RBM7: variants seen among roughly 807,000 people sequenced by gnomAD.
RBM7 encodes the protein RNA-binding protein 7.
Under a neutral mutation model 31.0 loss-of-function variants are expected in RBM7, and 13 were observed. The ratio of observed to expected loss-of-function variants is 0.42; its 90% confidence interval spans 0.27 to 0.67. The LOEUF is 0.67. RBM7 is among the 30% of genes least tolerant of loss of function. RBM7 has a pLI of 0.24. For missense variants in RBM7, 245 were observed against 326.2 expected, an observed-to-expected ratio of 0.75 and a Z score of 1.92; for synonymous variants, 106 against 111.2, an observed-to-expected ratio of 0.95 and a Z score of 0.30.
Position 114,400,673 on chromosome 11 carries a change from T to TGGGGGC in RBM7, c.5_10dup (p.Gly2_Ala3dup). 6.2e-7 allele frequency: 1 copy of TGGGGGC among 1,614,048 alleles called. No homozygotes were observed. Among genetic ancestry groups the TGGGGGC allele is most frequent in the Non-Finnish European group, 8.5e-7 (1 of 1,179,960 alleles). On this transcript the variant is annotated inframe_insertion, in exon 1 of 5. Transcript: ENST00000375490. The stretch of plus-strand genomic sequence containing the variant: ...GGTTAGGGAGGGGGCGACGCTGAGA[T>TGGGGGC]GGGGGCGGCGGCGGCGGAAGCGGAT...
At chr11:114,405,555 A>G (rs1225519069) in intron 3 of RBM7, 151 bp from the exon 4 acceptor site, 2 of 449,348 alleles carry the variant, frequency 4.5e-6, no homozygotes, top group Non-Finnish European at 7.7e-6. Context: ...ATGAGAAAAT[A>G]TCCTGTTGTC....
At chr11:114,403,123 C>G (rs1185271536) in intron 3 of RBM7, among the ~76,000 whole-genome samples, 2 of 152,042 alleles carry the variant, frequency 1.3e-5, no homozygotes, top group African/African-American at 2.4e-5. Flanking sequence ...TATATAGTCC[C>G]CTTAGAATAG....
At chr11:114,405,011 C>A (rs768620859) in intron 3 of RBM7, among the ~76,000 whole-genome samples, 2 of 151,716 alleles carry the variant, frequency 1.3e-5, no homozygotes, top group Non-Finnish European at 2.9e-5. Flanking sequence ...AATTCCTTAC[C>A]TCCCAAAACC....
chr11:114,405,610 T>A, intron 3 of RBM7, 96 bp from the exon 4 acceptor site: 5 of 738,482 alleles, frequency 6.8e-6, no homozygotes, highest in Non-Finnish European at 1.1e-5. Flanking sequence ...CTTTCCTGTC[T>A]TGTTCATTCC....
rs774876995 is a variant in RBM7 at position 114,402,812 on chromosome 11, A to G, written c.260-16A>G. The G allele has an allele frequency of 1.3e-6, 2 of 1,590,436 alleles. No homozygotes were observed. Among genetic ancestry groups the G allele is most frequent in the Non-Finnish European group, 1.7e-6 (2 of 1,160,108 alleles). On this transcript the variant is annotated splice_polypyrimidine_tract_variant and intron_variant, in intron 2 of 4. Coordinates refer to ENST00000375490, the MANE Select transcript of RBM7 (RefSeq NM_001286045.2). ...ATTTTCTATCAAGAATAATTTTTCA[A>G]ATTGTTTCATTTTAGGAAGTAGTCA... is the stretch of plus-strand genomic sequence containing the variant.
intron 4 of RBM7, 96 bp from the exon 5 acceptor site, chr11:114,407,349 G>A (rs971362779): frequency 2.3e-6 from 3 of 1,333,282 alleles, no homozygotes; most frequent in Non-Finnish European, 3.1e-6. Flanking sequence ...CTAGGCAAGA[G>A]TGACTTTATT....
intron 4 of RBM7, 187 bp from the exon 5 acceptor site, chr11:114,407,248 GACAAAGAGTA>G (rs1946276694): frequency 8.2e-6 from 4 of 490,094 alleles, no homozygotes; most frequent in Non-Finnish European, 1.4e-5. Flanking sequence ...CATTCTTGAG[GACAAAGAGTA>G]GTATTTATGT....
At chr11:114,403,028 C>T in intron 3 of RBM7, 113 bp downstream of exon 3, 1 of 939,090 alleles carries the variant, frequency 1.1e-6, no homozygotes, top group Non-Finnish European at 1.7e-6. Context: ...CTTCATTCTG[C>T]CGTTATTACT....
At chr11:114,402,353 C>T (rs1276265066) in intron 2 of RBM7, among the ~76,000 whole-genome samples, 2 of 145,852 alleles carry the variant, frequency 1.4e-5, no homozygotes, top group East Asian at 2.0e-4. Flanking sequence ...CCGATGAAGC[C>T]GTAAAGCGGT....
rs1007097989 is a variant in RBM7, at chr11:114,409,274, A to G, written c.*1467A>G. The G allele has an allele frequency of 6.6e-6, 1 of 152,196 alleles. No individual in the cohort carries two copies. The highest frequency in any genetic ancestry group is 2.4e-5 in the African/African-American group (1 of 41,460). The allele number at this position is 152,196 out of a possible 1,614,324, so 9.4% of individuals were successfully genotyped here. ...TTTGTTTGCTTAAGCATTTTCACAG[A>G]ATTTGTTTCCAATGAGATTATTATT... On this transcript the variant is annotated 3_prime_UTR_variant, in exon 5 of 5. Transcript: ENST00000375490.
At chr11:114,402,766 G>T in intron 2 of RBM7, 62 bp from the exon 3 acceptor site, 1 of 1,376,902 alleles carries the variant, frequency 7.3e-7, no homozygotes, top group Non-Finnish European at 1.0e-6. Context: ...TTCAAGTGGG[G>T]AAGACAAAAT....
intron 4 of RBM7, 114 bp from the exon 5 acceptor site, chr11:114,407,331 G>GGAT: frequency 9.4e-7 from 1 of 1,058,924 alleles, no homozygotes; most frequent in Admixed American, 2.4e-5. Flanking sequence ...CTTTAGTTGT[G>GGAT]GATCCATCTA....
chr11:114,405,279 C>G (rs1946252562), intron 3 of RBM7, among the ~76,000 whole-genome samples: 3 of 152,144 alleles, frequency 2.0e-5, no homozygotes, highest in Non-Finnish European at 1.5e-5. Context: ...ATAGATAATA[C>G]AAAAACAATG....
At chr11:114,402,083 A>G in intron 2 of RBM7, 1 of 463,202 alleles carries the variant, frequency 2.2e-6, no homozygotes, top group Admixed American at 4.6e-5. Context: ...ATTTTGGGTT[A>G]GTGAAAAAAC....
At chr11:114,403,301 G>T (rs879213804) in intron 3 of RBM7, among the ~76,000 whole-genome samples, 1 of 152,064 alleles carries the variant, frequency 6.6e-6, no homozygotes, top group Non-Finnish European at 1.5e-5. Context: ...GTCATTAATT[G>T]GTTGTTACTT....
rs372849206 is a variant in RBM7, at chr11:114,410,065, A to G, written c.*2258A>G. ...CCCTGAGTGTCACATCTGTATTGGC[A>G]CTCAAAAAGTTTCATATTTTGGAGC... On this transcript the variant is annotated 3_prime_UTR_variant, in exon 5 of 5. Transcript: ENST00000375490. 21 of 152,214 alleles carry G rather than the reference A, an allele frequency of 1.4e-4. 1 individual carries two copies. The highest frequency in any genetic ancestry group is 5.1e-4 in the African/African-American group (21 of 41,522). 9.4% of individuals were successfully genotyped at this position (152,214 alleles called of 1,614,324 possible).
At chr11:114,405,011 C>T (rs768620859) in intron 3 of RBM7, among the ~76,000 whole-genome samples, 7 of 151,716 alleles carry the variant, frequency 4.6e-5, no homozygotes, top group Admixed American at 4.0e-4. Context: ...AATTCCTTAC[C>T]TCCCAAAACC....
In RBM7 at chr11:114,409,124, G is replaced by A. The variant is rs1395068170; in HGVS notation, c.*1317G>A. 1 of 152,036 alleles carries A rather than the reference G, an allele frequency of 6.6e-6. No homozygotes were observed. The highest frequency in any genetic ancestry group is 1.5e-5 in the Non-Finnish European group (1 of 68,014). 9.4% of individuals were successfully genotyped at this position (152,036 alleles called of 1,614,324 possible). ...CTCGATTATAGCTTGGAGTACTTTA[G>A]TTACCCTCAGTGGTCTCTAGGAGTT... is the stretch of plus-strand genomic sequence containing the variant. On this transcript the variant is annotated 3_prime_UTR_variant, in exon 5 of 5. Transcript: ENST00000375490.
Position 114,401,769 on chromosome 11 carries a change from T to C in RBM7, c.168T>C (p.Asn56=). The C allele has an allele frequency of 1.3e-6, 2 of 1,587,210 alleles. No individual in the cohort carries two copies. The highest frequency in any genetic ancestry group is 2.3e-5 in the South Asian group (2 of 85,366). Residue 56 remains asparagine (N), a synonymous_variant, in exon 2 of 5, where the codon AAT becomes AAC. Transcript: ENST00000375490. ...DGKPKQFAFV[N]FKHEVSVPYA... ...AACCAAAGCAGTTTGCGTTTGTGAA[T>C]TTCAAACATGAAGTGTCTGTTCCTT...
Sources: allele counts gnomAD v4.1 joint callset (sites outside exome capture counted in the v4.1 genomes callset), GRCh38; gene constraint gnomAD v4.1.1; transcripts MANE v1.5; gene names NCBI Gene and HGNC (gene_info 2026-07-23, HGNC 2026-07-21).